The following CADM2 variants were observed in gnomAD, a reference collection of about 807,000 sequenced individuals.
CADM2 encodes the protein immunoglobulin superfamily member 4D.
Under a neutral mutation model 49.8 loss-of-function variants are expected in CADM2, and 12 were observed. The observed-to-expected ratio is 0.24, with a 90% CI of 0.15 to 0.39. CADM2 has a LOEUF of 0.39. Ranked by LOEUF, CADM2 falls within the 10% of genes least tolerant of loss-of-function variation. CADM2 has a pLI of 1.00. For missense variants in CADM2, 378 were observed against 492.3 expected, an observed-to-expected ratio of 0.77 and a Z score of 2.20; for synonymous variants, 214 against 175.4, an observed-to-expected ratio of 1.22 and a Z score of -1.74.
intron 1 of CADM2, among the ~76,000 whole-genome samples, chr3:84,966,991 A>T (rs937880529): frequency 6.6e-6 from 1 of 152,092 alleles, no homozygotes; most frequent in Non-Finnish European, 1.5e-5. Flanking sequence ...ATTTCACATT[A>T]TAAGAAAACA....
At chr3:85,344,827 T>C (rs946272296) in intron 1 of CADM2, among the ~76,000 whole-genome samples, 1 of 152,146 alleles carries the variant, frequency 6.6e-6, no homozygotes, top group African/African-American at 2.4e-5. Context: ...ATTATTGGTT[T>C]AGTCATTCTT....
At chr3:85,375,190 A>G (rs1576443215) in intron 1 of CADM2, among the ~76,000 whole-genome samples, 1 of 152,206 alleles carries the variant, frequency 6.6e-6, no homozygotes, top group African/African-American at 2.4e-5. Context: ...TATTATCCAC[A>G]TTTTCAAGGA....
At chr3:85,160,556 TA>T (rs991728978) in intron 1 of CADM2, among the ~76,000 whole-genome samples, 1 of 152,140 alleles carries the variant, frequency 6.6e-6, no homozygotes, top group Non-Finnish European at 1.5e-5. Context: ...ATGAGTTTTT[TA>T]AAAAAATATC....
At chr3:85,594,435 T>C (rs1178630326) in intron 1 of CADM2, among the ~76,000 whole-genome samples, 1 of 151,916 alleles carries the variant, frequency 6.6e-6, no homozygotes, top group Admixed American at 6.6e-5. Flanking sequence ...ATATTTTTCA[T>C]GTTTTGGGGT....
intron 1 of CADM2, among the ~76,000 whole-genome samples, chr3:85,148,140 T>C (rs1292812379): frequency 6.6e-6 from 1 of 152,154 alleles, no homozygotes; most frequent in Non-Finnish European, 1.5e-5. Flanking sequence ...AACAGACATG[T>C]CAGGTTGAAA....
At chr3:85,500,655 C>T (rs973313995) in intron 1 of CADM2, among the ~76,000 whole-genome samples, 1 of 151,842 alleles carries the variant, frequency 6.6e-6, no homozygotes, top group South Asian at 2.1e-4. Context: ...GTAGCTAGGA[C>T]TACAGGTGCC....
At chr3:85,924,956 T>A (rs1169701684) in intron 6 of CADM2, among the ~76,000 whole-genome samples, 1 of 152,220 alleles carries the variant, frequency 6.6e-6, no homozygotes, top group Non-Finnish European at 1.5e-5. Flanking sequence ...TTCTATGCTT[T>A]ACATTATTTC....
At chr3:85,154,851 T>A in intron 1 of CADM2, among the ~76,000 whole-genome samples, 1 of 146,844 alleles carries the variant, frequency 6.8e-6, no homozygotes, top group African/African-American at 2.5e-5. Context: ...GCTTCATAAG[T>A]GAAGGAGAAA....
rs149482621 is a variant in CADM2, at chr3:85,586,672, A to G, written c.62-139850A>G. The stretch of plus-strand genomic sequence containing the variant: ...TTAATAAATCTGTTAGGTTGGTGCA[A>G]AAGTAACTGTGGTTTTTACCATTCC... On this transcript the variant is annotated intron_variant, in intron 1 of 9. Transcript: ENST00000383699. Among the ~76,000 whole-genome samples, 378 of 152,242 alleles carry G rather than the reference A, an allele frequency of 2.5e-3. 1 individual carries two copies. The highest frequency in any genetic ancestry group is 5.4e-3 in the Admixed American group (83 of 15,282).
At chr3:85,949,574 T>G (rs1297858832) in intron 7 of CADM2, among the ~76,000 whole-genome samples, 2 of 151,292 alleles carry the variant, frequency 1.3e-5, no homozygotes, top group African/African-American at 4.8e-5. Context: ...CCTTTGAGAA[T>G]GATTACATCT....
chr3:85,815,220 AG>A (rs1414497100), intron 3 of CADM2, among the ~76,000 whole-genome samples: 1 of 152,156 alleles, frequency 6.6e-6, no homozygotes, highest in Non-Finnish European at 1.5e-5. Flanking sequence ...ATAGAAAAAG[AG>A]GGAATCCTCC....
At chr3:85,701,763 G>T (rs1344764461) in intron 1 of CADM2, among the ~76,000 whole-genome samples, 3 of 152,104 alleles carry the variant, frequency 2.0e-5, no homozygotes, top group Non-Finnish European at 4.4e-5. Context: ...CCATAGAAAA[G>T]ATGCTCTCTA....
At chr3:85,426,310 T>A (rs1344691152) in intron 1 of CADM2, among the ~76,000 whole-genome samples, 1 of 151,936 alleles carries the variant, frequency 6.6e-6, no homozygotes, top group Non-Finnish European at 1.5e-5. Flanking sequence ...CACAGCTTAT[T>A]TTTTGTAGAG....
chr3:85,211,536 A>G (rs1452294180), intron 1 of CADM2, among the ~76,000 whole-genome samples: 2 of 152,054 alleles, frequency 1.3e-5, no homozygotes, highest in African/African-American at 2.4e-5. Flanking sequence ...TAATTTCTTC[A>G]TTAGCCTTCT....
chr3:85,321,112 AT>A (rs1271061591), intron 1 of CADM2, among the ~76,000 whole-genome samples: 415 of 35,858 alleles, frequency 0.012, 4 homozygotes, highest in Non-Finnish European at 0.02. Flanking sequence ...ATATATATAT[AT>A]ATATTTTTTT....
At chr3:85,510,448 A>G (rs954727060) in intron 1 of CADM2, among the ~76,000 whole-genome samples, 3 of 152,068 alleles carry the variant, frequency 2.0e-5, no homozygotes, top group Non-Finnish European at 2.9e-5. Flanking sequence ...GGTAAATAGC[A>G]ATTTGTTTTA....
At chr3:86,030,549 A>G (rs931005666) in intron 8 of CADM2, among the ~76,000 whole-genome samples, 1 of 152,136 alleles carries the variant, frequency 6.6e-6, no homozygotes. Context: ...GTAATTAAAT[A>G]TGAATGTTAA....
chr3:85,909,637 T>A (rs1271820320), intron 5 of CADM2, among the ~76,000 whole-genome samples: 1 of 152,156 alleles, frequency 6.6e-6, no homozygotes, highest in African/African-American at 2.4e-5. Context: ...AATGCGAATC[T>A]GCATTTTAAC....
intron 3 of CADM2, among the ~76,000 whole-genome samples, chr3:85,868,669 C>T (rs74496029): frequency 0.043 from 6,571 of 152,162 alleles, 489 homozygotes; most frequent in African/African-American, 0.15. Flanking sequence ...TGACTTTTAG[C>T]CACAGAAATT....
Sources: allele counts gnomAD v4.1 joint callset (sites outside exome capture counted in the v4.1 genomes callset), GRCh38; gene constraint gnomAD v4.1.1; transcripts MANE v1.5; gene names NCBI Gene and HGNC (gene_info 2026-07-23, HGNC 2026-07-21).